Variants in PDGFC observed in about 807,000 individuals in gnomAD.
The protein encoded by PDGFC is platelet-derived growth factor C.
A neutral mutation model predicts 35.5 loss-of-function variants in PDGFC; 12 were observed. The observed-to-expected ratio is 0.34, with a 90% CI of 0.22 to 0.55. The LOEUF is 0.55. Among genes scored for constraint, PDGFC ranks in the 20% least tolerant of loss-of-function variants. The pLI, the probability that PDGFC is intolerant of heterozygous loss-of-function variation, is 0.91. For missense variants in PDGFC, 322 were observed against 412.4 expected (o/e 0.78, Z 1.90); for synonymous variants, 159 against 148.8 (o/e 1.07, Z -0.50).
chr4:156,930,229 T>C (rs2110873467), intron 1 of PDGFC, among the ~76,000 whole-genome samples: 1 of 152,336 alleles, frequency 6.6e-6, no homozygotes, highest in South Asian at 2.1e-4. Context: ...ATATAGTTTG[T>C]CGTTATTGCT....
chr4:156,906,604 G>C (rs1318142324), intron 1 of PDGFC, among the ~76,000 whole-genome samples: 1 of 152,016 alleles, frequency 6.6e-6, no homozygotes, highest in African/African-American at 2.4e-5. Context: ...TTTTAAAAAA[G>C]ATTTATGATG....
At chr4:156,821,308 A>G (rs1732251793) in intron 2 of PDGFC, among the ~76,000 whole-genome samples, 1 of 151,954 alleles carries the variant, frequency 6.6e-6, no homozygotes, top group African/African-American at 2.4e-5. Flanking sequence ...AGCCCACTGC[A>G]GCTTTGATCT....
rs889470846 is a variant in PDGFC at position 156,971,421 on chromosome 4, C to T, written c.-518G>A. On this transcript the variant is annotated 5_prime_UTR_variant, in exon 1 of 6. It adds an upstream start codon to the 5' untranslated region. Coordinates refer to ENST00000502773, the MANE Select transcript of PDGFC (RefSeq NM_016205.3). Reference sequence around the variant, plus strand: ...CCCCTCTCCCCCGCCCCACCCCCCACCCCCGAAGGGGGAGGGGGAAGAAAC... The same window carrying T: ...CCCCTCTCCCCCGCCCCACCCCCCATCCCCGAAGGGGGAGGGGGAAGAAAC... 6.6e-4 allele frequency: 252 copies of T among 384,286 alleles called. 1 individual carries two copies. Among genetic ancestry groups the T allele is most frequent in the African/African-American group, 4.8e-3 (229 of 48,038 alleles). 23.8% of individuals were successfully genotyped at this position (384,286 alleles called of 1,614,324 possible).
chr4:156,967,383 A>G (rs1732491472), intron 1 of PDGFC: 1 of 152,226 alleles, frequency 6.6e-6, no homozygotes, highest in South Asian at 2.1e-4. Flanking sequence ...CGACCAGCAG[A>G]CCAAAGTAAA....
At chr4:156,841,500 C>A (rs1490295769) in intron 2 of PDGFC, 1 of 148,038 alleles carries the variant, frequency 6.8e-6, no homozygotes, top group East Asian at 2.0e-4. Flanking sequence ...CAGTCTCAGG[C>A]AGTTTTTTTT....
At chr4:156,819,665 C>A (rs1732195161) in intron 2 of PDGFC, among the ~76,000 whole-genome samples, 1 of 152,224 alleles carries the variant, frequency 6.6e-6, no homozygotes, top group African/African-American at 2.4e-5. Flanking sequence ...AGGAGATTTA[C>A]ATACAAGGAG....
chr4:156,942,216 T>G (rs1441271145), intron 1 of PDGFC, among the ~76,000 whole-genome samples: 1 of 152,056 alleles, frequency 6.6e-6, no homozygotes, highest in Non-Finnish European at 1.5e-5. Context: ...TCCTTTGTGC[T>G]CACAGGCGCT....
chr4:156,776,177 T>C (rs555574047), intron 3 of PDGFC, among the ~76,000 whole-genome samples: 1 of 152,342 alleles, frequency 6.6e-6, no homozygotes, highest in East Asian at 1.9e-4. Flanking sequence ...TCTAACAAAG[T>C]AACACTGTTC....
intron 1 of PDGFC, among the ~76,000 whole-genome samples, chr4:156,931,392 A>G (rs1314994347): frequency 1.3e-5 from 2 of 152,226 alleles, no homozygotes; most frequent in Non-Finnish European, 2.9e-5. Context: ...TCAAAGATCC[A>G]TGAAGGCTTA....
intron 1 of PDGFC, among the ~76,000 whole-genome samples, chr4:156,866,254 G>C (rs976277524): frequency 1.8e-4 from 27 of 152,008 alleles, no homozygotes. Flanking sequence ...ATGGTTTCCA[G>C]TTTCATCCAT....
chr4:156,848,349 T>C (rs1729374227), intron 2 of PDGFC, among the ~76,000 whole-genome samples: 1 of 151,908 alleles, frequency 6.6e-6, no homozygotes, highest in Admixed American at 6.6e-5. Flanking sequence ...AAAAAACAAT[T>C]TAACTCTACC....
chr4:156,953,759 G>A (rs905511260), intron 1 of PDGFC, among the ~76,000 whole-genome samples: 4 of 151,852 alleles, frequency 2.6e-5, no homozygotes, highest in Non-Finnish European at 5.9e-5. Context: ...CGTAAGATAC[G>A]AACATTGAGC....
chr4:156,806,835 T>C (rs920077291), intron 3 of PDGFC, among the ~76,000 whole-genome samples: 2 of 152,046 alleles, frequency 1.3e-5, no homozygotes, highest in African/African-American at 4.8e-5. Flanking sequence ...GTAAAACATA[T>C]ATAATCTATT....
At chr4:156,950,198 A>C (rs919671592) in intron 1 of PDGFC, among the ~76,000 whole-genome samples, 1 of 151,904 alleles carries the variant, frequency 6.6e-6, no homozygotes, top group Non-Finnish European at 1.5e-5. Flanking sequence ...GAAAAGTAGT[A>C]CATAAATTTT....
chr4:156,872,967 T>C (rs888724894), intron 1 of PDGFC, among the ~76,000 whole-genome samples: 1 of 152,114 alleles, frequency 6.6e-6, no homozygotes, highest in South Asian at 2.1e-4. Flanking sequence ...TGATTTCTAC[T>C]GTAAATAAAT....
intron 2 of PDGFC, among the ~76,000 whole-genome samples, chr4:156,830,708 A>T (rs1434413162): frequency 6.6e-6 from 1 of 152,208 alleles, no homozygotes; most frequent in Non-Finnish European, 1.5e-5. Flanking sequence ...GGATATTCTT[A>T]AAAACTATCT....
At chr4:156,835,908 A>G (rs1729052570) in intron 2 of PDGFC, 1 of 152,104 alleles carries the variant, frequency 6.6e-6, no homozygotes, top group Non-Finnish European at 1.5e-5. Flanking sequence ...TGCATTCAGG[A>G]TTTTACCTTG....
chr4:156,813,144 G>A (rs564774031), intron 2 of PDGFC, among the ~76,000 whole-genome samples: 3 of 152,136 alleles, frequency 2.0e-5, no homozygotes, highest in Non-Finnish European at 2.9e-5. Context: ...TGGCAGAAAC[G>A]TTGATAATCA....
intron 1 of PDGFC, among the ~76,000 whole-genome samples, chr4:156,862,812 A>G (rs1354201113): frequency 6.6e-6 from 1 of 151,312 alleles, no homozygotes; most frequent in Non-Finnish European, 1.5e-5. Context: ...CTCCTGCCTC[A>G]ACCTCTGTAG....
Sources: allele counts gnomAD v4.1 joint callset (sites outside exome capture counted in the v4.1 genomes callset), GRCh38; gene constraint gnomAD v4.1.1; transcripts MANE v1.5; gene names NCBI Gene and HGNC (gene_info 2026-07-23, HGNC 2026-07-21).